Variants in ST3GAL4 observed in about 807,000 individuals in gnomAD.
ST3GAL4 encodes ST3 beta-galactoside alpha-2,3-sialyltransferase 4.
ST3GAL4 carries 24 observed loss-of-function variants against 42.6 expected under a neutral mutation model. That is an observed-to-expected ratio of 0.56 (90% confidence interval 0.41 to 0.79). The LOEUF (loss-of-function observed/expected upper bound fraction) is 0.79, where lower values mean the gene tolerates loss of function less well. Ranked by LOEUF, ST3GAL4 falls within the 30% of genes least tolerant of loss-of-function variation. The probability of loss-of-function intolerance (pLI) is 0.00; values close to 1 mark genes in which losing one functional copy is unlikely to be tolerated. For missense variants in ST3GAL4, 311 were observed against 430.8 expected (o/e 0.72, Z 2.46); for synonymous variants, 135 against 163.2 (o/e 0.83, Z 1.32).
Position 126,393,681 on chromosome 11 carries a change from C to T in ST3GAL4, c.-60-12415C>T, listed in dbSNP as rs546834867. 1.5e-4 allele frequency among the ~76,000 whole-genome samples: 23 copies of T among 152,210 alleles called. No homozygotes were observed. The East Asian group carries it at 2.3e-3, about 15-fold the overall frequency. On this transcript the variant is annotated intron_variant, in intron 1 of 10. Coordinates refer to ENST00000444328, the MANE Select transcript of ST3GAL4 (RefSeq NM_001254757.2). The surrounding 1 kb of genome is among the most constrained non-coding windows in gnomAD (Gnocchi z 5.9). ...GTAGGCACTTGAGGGTGGACACCAC[C>T]GTCTTCAGGTCATAGGAAGTGTGAG...
chr11:126,376,244 TA>T lies in ST3GAL4; in HGVS notation c.-61+20405del, dbSNP rs1448054684. Among the ~76,000 whole-genome samples the T allele has an allele frequency of 2.6e-5, 4 of 152,220 alleles. No individual in the cohort carries two copies. The highest frequency in any genetic ancestry group is 4.4e-5 in the Non-Finnish European group (3 of 68,036). On this transcript the variant is annotated intron_variant, in intron 1 of 10. Coordinates refer to ENST00000444328, the MANE Select transcript of ST3GAL4 (RefSeq NM_001254757.2). The surrounding 1 kb of genome is among the most constrained non-coding windows in gnomAD (Gnocchi z 5.1). ...ATAGTGGGCAATATTTGAAAGCCAGTAAATATAAAATAAAATATATTACCTG... is the reference window on the plus strand; with the variant it reads ...ATAGTGGGCAATATTTGAAAGCCAGTAATATAAAATAAAATATATTACCTG...
At position 126,391,071 on chromosome 11, in the gene ST3GAL4, G is replaced by A. The variant is rs1953494968; in HGVS notation, c.-60-15025G>A. On this transcript the variant is annotated intron_variant, in intron 1 of 10. Transcript: ENST00000444328. This position sits in a 1 kb window ranked among gnomAD's most constrained non-coding sequence, Gnocchi z 5.5. ...TTGTATGCGTAGACCACATTTTGTGGATCCGTTCATCCACTGATGGACGCT... is the reference window on the plus strand; with the variant it reads ...TTGTATGCGTAGACCACATTTTGTGAATCCGTTCATCCACTGATGGACGCT... 6.6e-6 allele frequency among the ~76,000 whole-genome samples: 1 copy of A among 152,086 alleles called. No homozygotes were observed. Among genetic ancestry groups the A allele is most frequent in the East Asian group, 1.9e-4 (1 of 5,200 alleles).
Position 126,383,921 on chromosome 11 carries a change from G to A in ST3GAL4, c.-60-22175G>A, listed in dbSNP as rs149544445. Among the ~76,000 whole-genome samples the A allele has an allele frequency of 3.3e-3, 500 of 152,230 alleles. 5 individuals carry two copies. The highest frequency in any genetic ancestry group is 0.014 in the Middle Eastern group (4 of 294). On this transcript the variant is annotated intron_variant, in intron 1 of 10. Coordinates refer to ENST00000444328, the MANE Select transcript of ST3GAL4 (RefSeq NM_001254757.2). The surrounding 1 kb of genome is among the most constrained non-coding windows in gnomAD (Gnocchi z 4.5). ...CAAACTGGAGAGGGACTCTCTTGCCGCCTTCTCTGTTCCTGGGGACAGGCT... is the reference window on the plus strand; with the variant it reads ...CAAACTGGAGAGGGACTCTCTTGCCACCTTCTCTGTTCCTGGGGACAGGCT...
rs540749519 is a variant in ST3GAL4, at chr11:126,363,648, C to T, written c.-61+7806C>T. Among the ~76,000 whole-genome samples, 25 of 152,336 alleles carry T rather than the reference C, an allele frequency of 1.6e-4. No individual in the cohort carries two copies. Among genetic ancestry groups the T allele is most frequent in the Non-Finnish European group, 2.4e-4 (16 of 68,028 alleles). On this transcript the variant is annotated intron_variant, in intron 1 of 10. Coordinates refer to ENST00000444328, the MANE Select transcript of ST3GAL4 (RefSeq NM_001254757.2). The surrounding 1 kb of genome is among the most constrained non-coding windows in gnomAD (Gnocchi z 4.6). ...TCTTTGGACATCTTCCTGCAAAGGA[C>T]GGTGGGATCTTGTCTTTCTGGGGCC... is the stretch of plus-strand genomic sequence containing the variant.
At position 126,409,863 on chromosome 11, in the gene ST3GAL4, T is replaced by C. The variant is rs1268265025; in HGVS notation, c.771+452T>C. Among the ~76,000 whole-genome samples, 2 of 152,136 alleles carry C rather than the reference T, an allele frequency of 1.3e-5. No individual in the cohort carries two copies. Among genetic ancestry groups the C allele is most frequent in the Non-Finnish European group, 2.9e-5 (2 of 68,030 alleles). ...TCTTGCATGTCATGATTTGGTATGG[T>C]GTGTCAATTCAGGGAGTCAATGTAG... On this transcript the variant is annotated intron_variant, in intron 9 of 10. Transcript: ENST00000444328. The surrounding 1 kb of genome is among the most constrained non-coding windows in gnomAD (Gnocchi z 4.9).
At chr11:126,360,508 C>A (rs573329957) in intron 1 of ST3GAL4, among the ~76,000 whole-genome samples, 2 of 152,308 alleles carry the variant, frequency 1.3e-5, no homozygotes, top group African/African-American at 4.8e-5. Context: ...ACTGCAACCT[C>A]CATCTTCTGG....
At chr11:126,408,619 C>T (rs1388905070) in intron 8 of ST3GAL4, 123 bp downstream of exon 8, 15 of 1,233,406 alleles carry the variant, frequency 1.2e-5, no homozygotes, top group East Asian at 7.6e-5. Context: ...CAGCATGAAC[C>T]GGGCTCCCGG....
chr11:126,410,109 G>A lies in ST3GAL4; in HGVS notation c.771+698G>A, dbSNP rs1954454459. On this transcript the variant is annotated intron_variant, in intron 9 of 10. Coordinates refer to ENST00000444328, the MANE Select transcript of ST3GAL4 (RefSeq NM_001254757.2). The surrounding 1 kb of genome is among the most constrained non-coding windows in gnomAD (Gnocchi z 5.3). ...TTTGTAGAGATGGGGGTCTCACTGTGTTGCCCAGGCTGGTCCTGAACTCCT... is the reference window on the plus strand; with the variant it reads ...TTTGTAGAGATGGGGGTCTCACTGTATTGCCCAGGCTGGTCCTGAACTCCT... 6.6e-6 allele frequency among the ~76,000 whole-genome samples: 1 copy of A among 152,140 alleles called. No individual in the cohort carries two copies. Among genetic ancestry groups the A allele is most frequent in the African/African-American group, 2.4e-5 (1 of 41,424 alleles).
At chr11:126,413,445 C>T in intron 9 of ST3GAL4, 60 bp from the exon 10 acceptor site, 1 of 1,595,058 alleles carries the variant, frequency 6.3e-7, no homozygotes, top group Non-Finnish European at 8.5e-7. Flanking sequence ...AGAGCGCTGG[C>T]AGAGATGATG....
At position 126,396,347 on chromosome 11, in the gene ST3GAL4, G is replaced by A. The variant is rs994964994; in HGVS notation, c.-60-9749G>A. On this transcript the variant is annotated intron_variant, in intron 1 of 10. Transcript: ENST00000444328. This position sits in a 1 kb window ranked among gnomAD's most constrained non-coding sequence, Gnocchi z 5.8. ...GGGAAGCCAGAGGAGTCCGCAGCCC[G>A]GGAGACCTGGCCTACAGCGGAGAGA... Among the ~76,000 whole-genome samples, 12 of 152,064 alleles carry A rather than the reference G, an allele frequency of 7.9e-5. No individual in the cohort carries two copies. The highest frequency in any genetic ancestry group is 3.9e-4 in the Admixed American group (6 of 15,272).
Position 126,400,287 on chromosome 11 carries a change from A to T in ST3GAL4, c.-60-5809A>T, listed in dbSNP as rs1241165177. On this transcript the variant is annotated intron_variant, in intron 1 of 10. Coordinates refer to ENST00000444328, the MANE Select transcript of ST3GAL4 (RefSeq NM_001254757.2). The surrounding 1 kb of genome is among the most constrained non-coding windows in gnomAD (Gnocchi z 4.6). ...GAATGGCAAGACAGATCAAGAGGGG[A>T]CCTAACTGGCCTTTTATAAGGAACC... Among the ~76,000 whole-genome samples the T allele has an allele frequency of 6.6e-6, 1 of 152,166 alleles. No individual in the cohort carries two copies. The highest frequency in any genetic ancestry group is 2.4e-5 in the African/African-American group (1 of 41,434).
intron 1 of ST3GAL4, among the ~76,000 whole-genome samples, chr11:126,389,840 G>A (rs1021573545): frequency 7.2e-5 from 11 of 151,848 alleles, no homozygotes; most frequent in African/African-American, 2.7e-4. Context: ...TCCTGCCTTG[G>A]CCTCCCAAAG....
At chr11:126,358,885 T>G (rs2135364372) in intron 1 of ST3GAL4, among the ~76,000 whole-genome samples, 1 of 152,102 alleles carries the variant, frequency 6.6e-6, no homozygotes, top group Non-Finnish European at 1.5e-5. Context: ...AGGGAGGAGG[T>G]TGCTGCTGCT....
At chr11:126,369,263 G>C (rs1477504726) in intron 1 of ST3GAL4, among the ~76,000 whole-genome samples, 3 of 151,744 alleles carry the variant, frequency 2.0e-5, no homozygotes, top group Non-Finnish European at 2.9e-5. Flanking sequence ...TTTTGGGGGG[G>C]GGAGGCAGAG....
At chr11:126,402,530 C>G (rs1286028849) in intron 1 of ST3GAL4, among the ~76,000 whole-genome samples, 3 of 151,934 alleles carry the variant, frequency 2.0e-5, no homozygotes, top group Non-Finnish European at 4.4e-5. Context: ...ACAGAACCAG[C>G]AAGTAAACCG....
At position 126,409,022 on chromosome 11, in the gene ST3GAL4, GACCCTCC is replaced by G. The variant is rs1254187051; in HGVS notation, c.628-243_628-237del. ...GTTCTTGGAAGTGGTCCATGGTTTA[GACCCTCC>G]ACTCTATACACCTGGTCACCTGGCC... is the stretch of plus-strand genomic sequence containing the variant. On this transcript the variant is annotated intron_variant, in intron 8 of 10. Coordinates refer to ENST00000444328, the MANE Select transcript of ST3GAL4 (RefSeq NM_001254757.2). The surrounding 1 kb of genome is among the most constrained non-coding windows in gnomAD (Gnocchi z 4.9). Among the ~76,000 whole-genome samples, 6 of 152,152 alleles carry G rather than the reference GACCCTCC, an allele frequency of 3.9e-5. No homozygotes were observed. The highest frequency in any genetic ancestry group is 1.4e-4 in the African/African-American group (6 of 41,434).
rs1184690289 is a variant in ST3GAL4, at chr11:126,410,711, T to G, written c.771+1300T>G. Among the ~76,000 whole-genome samples, 1 of 152,226 alleles carries G rather than the reference T, an allele frequency of 6.6e-6. No individual in the cohort carries two copies. The highest frequency in any genetic ancestry group is 1.9e-4 in the East Asian group (1 of 5,196). ...ACTGCTCAATGCCAGGCCCCGAGTC[T>G]TCTTGCTTGGCGAGGAAGTTGTGCT... is the stretch of plus-strand genomic sequence containing the variant. On this transcript the variant is annotated intron_variant, in intron 9 of 10. Transcript: ENST00000444328. The surrounding 1 kb of genome is among the most constrained non-coding windows in gnomAD (Gnocchi z 5.3).
At chr11:126,368,223 A>G (rs1952509853) in intron 1 of ST3GAL4, among the ~76,000 whole-genome samples, 2 of 148,762 alleles carry the variant, frequency 1.3e-5, no homozygotes, top group Non-Finnish European at 3.0e-5. Flanking sequence ...ATCCAGGGCC[A>G]GGTGTGGTGG....
At position 126,386,914 on chromosome 11, in the gene ST3GAL4, C is replaced by T. The variant is rs536895918; in HGVS notation, c.-60-19182C>T. ...TAACACACACACCCCTCCCCCACCC[C>T]GCTGGAGAAGCCCTGCACCAGAGCA... On this transcript the variant is annotated intron_variant, in intron 1 of 10. Transcript: ENST00000444328. This position sits in a 1 kb window ranked among gnomAD's most constrained non-coding sequence, Gnocchi z 4.7. Among the ~76,000 whole-genome samples the T allele has an allele frequency of 2.0e-5, 3 of 152,232 alleles. No individual in the cohort carries two copies. The highest frequency in any genetic ancestry group is 1.9e-4 in the East Asian group (1 of 5,158).
Sources: gnomAD v4.1 joint callset for allele counts (sites outside exome capture counted in the v4.1 genomes callset) on GRCh38, gnomAD v4.1.1 for gene constraint, Gnocchi (gnomAD v3.1) non-coding constraint, MANE v1.5 for transcripts, NCBI Gene and HGNC (gene_info 2026-07-23, HGNC 2026-07-21) for gene names.